Variants in ENY2 observed in about 807,000 individuals in gnomAD.
The protein encoded by ENY2 is transcription and mRNA export factor ENY2.
A neutral mutation model predicts 15.9 loss-of-function variants in ENY2; 4 were observed. The ratio of observed to expected loss-of-function variants is 0.25; its 90% CI spans 0.12 to 0.57. The LOEUF (loss-of-function observed/expected upper bound fraction) is 0.57. ENY2 is among the 20% of genes least tolerant of loss of function. The probability of loss-of-function intolerance (pLI) is 0.91; values close to 1 mark genes in which losing one functional copy is unlikely to be tolerated. For synonymous variants in ENY2, 48 were observed against 38.0 expected (o/e 1.26, Z -0.97); for missense variants, 54 against 117.2 (o/e 0.46, Z 2.49).
chr8:109,343,284 T>C, intron 4 of ENY2, 121 bp from the exon 5 acceptor site: 1 of 673,454 alleles, frequency 1.5e-6, no homozygotes, highest in South Asian at 2.8e-5. Context: ...TTTTTTTAAT[T>C]GAACATGAGG....
rs1563693554 is a variant in ENY2, at chr8:109,343,439, A to G, written c.264A>G (p.Leu88=). The G allele has an allele frequency of 6.2e-7, 1 of 1,612,994 alleles. No individual in the cohort carries two copies. The highest frequency in any genetic ancestry group is 8.5e-7 in the Non-Finnish European group (1 of 1,179,592). ...LVPDSVKKEL[L]QRIRTFLAQH... ...CTGACAGTGTAAAGAAGGAGCTCCT[A>G]CAAAGAATAAGAACATTCCTTGCTC... Residue 88 remains leucine (L), a synonymous_variant, in exon 5 of 5, where the codon CTA becomes CTG. Coordinates refer to ENST00000521688, the MANE Select transcript of ENY2 (RefSeq NM_020189.6).
chr8:109,334,563 C>A, intron 1 of ENY2, 89 bp downstream of exon 1: 1 of 1,474,476 alleles, frequency 6.8e-7, no homozygotes, highest in East Asian at 2.5e-5. Flanking sequence ...GTCCCCGACC[C>A]GCGCTCGCGG....
chr8:109,339,603 A>T (rs1421583974), intron 3 of ENY2: 2 of 444,730 alleles, frequency 4.5e-6, no homozygotes, highest in East Asian at 6.9e-5. Flanking sequence ...AGCACTTAAG[A>T]TTTTCTCTGG....
intron 2 of ENY2, among the ~76,000 whole-genome samples, chr8:109,336,905 T>C (rs56238419): frequency 0.012 from 1,870 of 152,028 alleles, 40 homozygotes; most frequent in African/African-American, 0.042. Flanking sequence ...GAGGCAGGGT[T>C]ATAAAGTGAG....
chr8:109,343,383 T>A (rs781212471), intron 4 of ENY2, 22 bp from the exon 5 acceptor site: 2 of 1,589,440 alleles, frequency 1.3e-6, no homozygotes, highest in South Asian at 2.3e-5. Flanking sequence ...CTTACTCTTA[T>A]TTTTTTATTT....
At position 109,343,955 on chromosome 8, in the gene ENY2, G is replaced by A. The variant is rs1337169569; in HGVS notation, c.*474G>A. ...GACTGGGTCTTACTCATCTTTATGT[G>A]CCTTCCTTATGCTTCAAAGAATTTA... On this transcript the variant is annotated 3_prime_UTR_variant, in exon 5 of 5. Transcript: ENST00000521688. 6.6e-6 allele frequency: 1 copy of A among 152,318 alleles called. No individual in the cohort carries two copies. The highest frequency in any genetic ancestry group is 2.4e-5 in the African/African-American group (1 of 41,420). The allele number at this position is 152,318 out of a possible 1,614,324, so 9.4% of individuals were successfully genotyped here. A position where few individuals can be genotyped will look rare whatever the true frequency, so the allele number is the denominator to read the frequency against.
rs1816172469 is a variant in ENY2, at chr8:109,343,732, T to C, written c.*251T>C. 1.4e-5 allele frequency: 6 copies of C among 419,038 alleles called. No individual in the cohort carries two copies. The highest frequency in any genetic ancestry group is 2.1e-5 in the Non-Finnish European group (5 of 235,740). The allele number at this position is 419,038 out of a possible 1,614,324, so 26.0% of individuals were successfully genotyped here. On this transcript the variant is annotated 3_prime_UTR_variant, in exon 5 of 5. Coordinates refer to ENST00000521688, the MANE Select transcript of ENY2 (RefSeq NM_020189.6). The stretch of plus-strand genomic sequence containing the variant: ...TTTATTACTAATTCACCAAATTTGT[T>C]GAGCGCAAAAGCAATTAATGTAGTT...
rs1271269858 is a variant in ENY2 at position 109,336,122 on chromosome 8, G to A, written c.7-6G>A. ...TCTATATCTGAAAGTACATGTTGAT[G>A]TCCAGGTTAGCAAGATGAACAAAGA... On this transcript the variant is annotated splice_region_variant and splice_polypyrimidine_tract_variant and intron_variant, in intron 1 of 4. Coordinates refer to ENST00000521688, the MANE Select transcript of ENY2 (RefSeq NM_020189.6). 6.2e-7 allele frequency: 1 copy of A among 1,612,922 alleles called. No homozygotes were observed.
chr8:109,335,253 C>T (rs1411148445), intron 1 of ENY2: 1 of 152,056 alleles, frequency 6.6e-6, no homozygotes, highest in African/African-American at 2.4e-5. Flanking sequence ...TGTAAACACA[C>T]ACATCCACAC....
At position 109,334,407 on chromosome 8, in the gene ENY2, G is replaced by A; in HGVS notation, c.-62G>A. 1 of 1,612,786 alleles carries A rather than the reference G, an allele frequency of 6.2e-7. No homozygotes were observed. Among genetic ancestry groups the A allele is most frequent in the Non-Finnish European group, 8.5e-7 (1 of 1,179,396 alleles). On this transcript the variant is annotated 5_prime_UTR_variant, in exon 1 of 5. Transcript: ENST00000521688. Reference sequence around the variant, plus strand: ...TCCGGGCAGCCGAAGAGTGTGGTAGGTAACGGTCCTCAGCGCAAGGGTCAT... The same window carrying A: ...TCCGGGCAGCCGAAGAGTGTGGTAGATAACGGTCCTCAGCGCAAGGGTCAT...
chr8:109,339,512 A>G (rs928374025), intron 3 of ENY2, 122 bp downstream of exon 3: 74 of 787,620 alleles, frequency 9.4e-5, no homozygotes, highest in Non-Finnish European at 1.4e-4. Flanking sequence ...ATGGAATTTA[A>G]TCTTGTAATG....
intron 2 of ENY2, chr8:109,336,471 T>G (rs1261664419): frequency 6.3e-6 from 2 of 317,198 alleles, no homozygotes; most frequent in East Asian, 1.2e-4. Context: ...GAATTACAAC[T>G]GGAGACATAA....
At chr8:109,335,336 A>G (rs1483286123) in intron 1 of ENY2, 1 of 151,238 alleles carries the variant, frequency 6.6e-6, no homozygotes, top group Non-Finnish European at 1.5e-5. Context: ...AGCCTTATCT[A>G]GTAATTTTAT....
chr8:109,343,289 A>G (rs184912806), intron 4 of ENY2, 116 bp from the exon 5 acceptor site: 7 of 714,760 alleles, frequency 9.8e-6, no homozygotes, highest in Admixed American at 5.7e-5. Context: ...TTAATTGAAC[A>G]TGAGGGTTAT....
At chr8:109,334,852 C>T (rs969915711) in intron 1 of ENY2, 1 of 252,454 alleles carries the variant, frequency 4.0e-6, no homozygotes, top group Admixed American at 5.4e-5. Flanking sequence ...ACTGACTAGA[C>T]CTTGTAGTTA....
chr8:109,340,074 T>A (rs539800629), intron 3 of ENY2, among the ~76,000 whole-genome samples: 22 of 151,860 alleles, frequency 1.4e-4, no homozygotes, highest in African/African-American at 4.8e-4. Flanking sequence ...GATGACTTAT[T>A]TAAGCCTCAG....
Position 109,334,397 on chromosome 8 carries a change from A to G in ENY2, c.-72A>G. ...AGGGTCTAAGTCCGGGCAGCCGAAG[A>G]GTGTGGTAGGTAACGGTCCTCAGCG... is the stretch of plus-strand genomic sequence containing the variant. On this transcript the variant is annotated 5_prime_UTR_variant, in exon 1 of 5. Coordinates refer to ENST00000521688, the MANE Select transcript of ENY2 (RefSeq NM_020189.6). 5 of 1,610,524 alleles carry G rather than the reference A, an allele frequency of 3.1e-6. No homozygotes were observed. The highest frequency in any genetic ancestry group is 4.2e-6 in the Non-Finnish European group (5 of 1,177,920).
In ENY2 at chr8:109,343,621, T is replaced by C; in HGVS notation, c.*140T>C. The stretch of plus-strand genomic sequence containing the variant: ...GTAATGATGTATACATTGTATTGAT[T>C]TTTTTCCCTAAATGTGTTATTTTAA... On this transcript the variant is annotated 3_prime_UTR_variant, in exon 5 of 5. Transcript: ENST00000521688. 1 of 558,372 alleles carries C rather than the reference T, an allele frequency of 1.8e-6. No homozygotes were observed. The highest frequency in any genetic ancestry group is 4.4e-5 in the South Asian group (1 of 22,710). 34.6% of individuals were successfully genotyped at this position (558,372 alleles called of 1,614,324 possible).
Position 109,343,291 on chromosome 8 carries a change from G to A in ENY2, c.230-114G>A, listed in dbSNP as rs1816161894. The A allele has an allele frequency of 4.2e-6, 3 of 719,102 alleles. 1 individual carries two copies. In the South Asian group the frequency reaches 7.2e-5, roughly 17 times the overall value. The allele number at this position is 719,102 out of a possible 1,614,324, so 44.5% of individuals were successfully genotyped here. ...CTTTACCTTTTTTTTAATTGAACAT[G>A]AGGGTTATTTATGAAATTCTTATGT... On this transcript the variant is annotated intron_variant, in intron 4 of 4. Coordinates refer to ENST00000521688, the MANE Select transcript of ENY2 (RefSeq NM_020189.6).
Sources: allele counts gnomAD v4.1 joint callset (sites outside exome capture counted in the v4.1 genomes callset), GRCh38; gene constraint gnomAD v4.1.1; transcripts MANE v1.5; gene names NCBI Gene and HGNC (gene_info 2026-07-23, HGNC 2026-07-21).